Variants in EPB41L3 observed in about 807,000 individuals in gnomAD.
EPB41L3 encodes erythrocyte membrane protein band 4.1 like 3.
EPB41L3 carries 57 observed loss-of-function variants against 127.1 expected under a neutral mutation model. The observed-to-expected ratio is 0.45, with a 90% CI of 0.36 to 0.56. The LOEUF (loss-of-function observed/expected upper bound fraction) is 0.56. Ranked by LOEUF, EPB41L3 falls within the 20% of genes least tolerant of loss-of-function variation. The pLI, the probability that EPB41L3 is intolerant of heterozygous loss-of-function variation, is 0.00. For missense variants in EPB41L3, 1,273 were observed against 1,372.2 expected (o/e 0.93, Z 1.14); for synonymous variants, 572 against 549.5 (o/e 1.04, Z -0.57).
chr18:5,445,211 C>T lies in EPB41L3; in HGVS notation c.415G>A (p.Val139Met), dbSNP rs768025586. 3.7e-6 allele frequency: 6 copies of T among 1,613,924 alleles called. No individual in the cohort carries two copies. In the African/African-American group the frequency reaches 6.7e-5, roughly 18 times the overall value. Residue 139 changes from valine (V) to methionine (M), a missense_variant, in exon 4 of 23, where the codon GTG becomes ATG. Coordinates refer to ENST00000341928, the MANE Select transcript of EPB41L3 (RefSeq NM_012307.5). Reference sequence around the variant, plus strand: ...TCTAGCAAGTTCAAGTGTTCACACACTTTATCAAACAGCACTTGTCCTCTG... The same window carrying T: ...TCTAGCAAGTTCAAGTGTTCACACATTTTATCAAACAGCACTTGTCCTCTG... ...RSRGQVLFDKVCEHLNLLEKD... is the reference protein window; with the variant it reads ...RSRGQVLFDKMCEHLNLLEKD...
chr18:5,488,964 C>T (rs765087876), intron 2 of EPB41L3, 37 bp downstream of exon 2: 3 of 1,550,358 alleles, frequency 1.9e-6, no homozygotes, highest in Admixed American at 2.0e-5. Context: ...AGCAGCTCAG[C>T]AAACACTGCG....
At chr18:5,421,464 G>A (rs948232952) in intron 11 of EPB41L3, among the ~76,000 whole-genome samples, 1 of 152,148 alleles carries the variant, frequency 6.6e-6, no homozygotes, top group Non-Finnish European at 1.5e-5. Context: ...AATTCAGCTC[G>A]AAACAGTCCT....
rs886246947 is a variant in EPB41L3 at position 5,594,919 on chromosome 18, G to T, written c.-306+17421C>A. Among the ~76,000 whole-genome samples the T allele has an allele frequency of 1.3e-5, 2 of 152,268 alleles. 1 individual carries two copies. On this transcript the variant is annotated intron_variant, in intron 3 of 21. Transcript: ENST00000545076. ...AAATAAGGAGAAAATTATCTTTCCC[G>T]CAAGAATTAATAAAAATCTTGTTAA...
At chr18:5,509,695 C>A (rs1357196788) in intron 1 of EPB41L3, among the ~76,000 whole-genome samples, 1 of 152,158 alleles carries the variant, frequency 6.6e-6, no homozygotes, top group African/African-American at 2.4e-5. Flanking sequence ...GTTTTTGCTA[C>A]CATTCTGCTT....
Position 5,471,532 on chromosome 18 carries a change from C to G in EPB41L3, c.381+6709G>C, listed in dbSNP as rs1292067360. On this transcript the variant is annotated intron_variant, in intron 3 of 22. Transcript: ENST00000341928. ...CTAGAAAACTTGGAATATTTTCAGA[C>G]TTGGAAGACTGCTTTCCGCATTAAA... Among the ~76,000 whole-genome samples the G allele has an allele frequency of 2.0e-5, 3 of 152,184 alleles. No homozygotes were observed. The South Asian group carries it at 6.2e-4, about 32-fold the overall frequency.
rs189495620 is a variant in EPB41L3 at position 5,591,173 on chromosome 18, T to C, written c.-306+21167A>G. ...ATTATCTTCTCTCTACTCTTTTCCA[T>C]TCGTAAATATTCATGGAATCTGCAC... On this transcript the variant is annotated intron_variant, in intron 3 of 21. Coordinates refer to the EPB41L3 transcript ENST00000545076. Among the ~76,000 whole-genome samples the C allele has an allele frequency of 7.1e-3, 1,085 of 152,334 alleles. 8 individuals carry two copies. The highest frequency in any genetic ancestry group is 0.02 in the Middle Eastern group (6 of 294).
At chr18:5,567,613 C>CAAGG (rs965923091) in intron 3 of EPB41L3, among the ~76,000 whole-genome samples, 5 of 148,820 alleles carry the variant, frequency 3.4e-5, no homozygotes, top group Non-Finnish European at 5.9e-5. Context: ...AAGAGATAGG[C>CAAGG]AAGGAAGGAA....
chr18:5,435,831 T>G (rs894873834), intron 6 of EPB41L3, among the ~76,000 whole-genome samples: 56 of 152,046 alleles, frequency 3.7e-4, no homozygotes, highest in African/African-American at 1.4e-3. Flanking sequence ...CTCAATTTCC[T>G]GCATTCTTAA....
chr18:5,441,984 T>C (rs557833629), intron 5 of EPB41L3, among the ~76,000 whole-genome samples: 13 of 152,248 alleles, frequency 8.5e-5, no homozygotes, highest in African/African-American at 2.6e-4. Flanking sequence ...TGAATCCTAT[T>C]AATAACAAAA....
At chr18:5,443,581 T>C (rs1053332788) in intron 5 of EPB41L3, among the ~76,000 whole-genome samples, 7 of 152,230 alleles carry the variant, frequency 4.6e-5, no homozygotes, top group Admixed American at 6.5e-5. Flanking sequence ...AAATGGTTAA[T>C]TGCCAATTCT....
intron 1 of EPB41L3, among the ~76,000 whole-genome samples, chr18:5,501,611 C>G (rs1407243238): frequency 6.6e-6 from 1 of 152,156 alleles, no homozygotes; most frequent in East Asian, 1.9e-4. Flanking sequence ...TGTTGCCCCA[C>G]AATTAATTAA....
intron 3 of EPB41L3, among the ~76,000 whole-genome samples, chr18:5,447,930 T>A: frequency 6.6e-6 from 1 of 151,964 alleles, no homozygotes; most frequent in Non-Finnish European, 1.5e-5. Flanking sequence ...CACTGAAGAT[T>A]TTTTTTTTCT....
intron 3 of EPB41L3, among the ~76,000 whole-genome samples, chr18:5,554,790 CTT>C (rs1381655910): frequency 3.9e-5 from 4 of 102,262 alleles, no homozygotes; most frequent in Non-Finnish European, 1.0e-4. Flanking sequence ...GCAGGGCCCT[CTT>C]TGCTCATGTG....
intron 1 of EPB41L3, among the ~76,000 whole-genome samples, chr18:5,517,758 A>C (rs1389351484): frequency 6.6e-6 from 1 of 152,036 alleles, no homozygotes; most frequent in Non-Finnish European, 1.5e-5. Context: ...TTATCCACAG[A>C]GTTCCACTTG....
chr18:5,604,349 T>C (rs1022467453), intron 3 of EPB41L3, among the ~76,000 whole-genome samples: 3 of 152,140 alleles, frequency 2.0e-5, no homozygotes, highest in Admixed American at 6.5e-5. Flanking sequence ...GAAATTTAAA[T>C]ATTTGCCATT....
At chr18:5,427,966 C>T (rs1022469708) in intron 9 of EPB41L3, among the ~76,000 whole-genome samples, 8 of 152,086 alleles carry the variant, frequency 5.3e-5, no homozygotes, top group South Asian at 2.1e-4. Context: ...AGGATGGTCT[C>T]GATCTCCTGA....
chr18:5,545,119 A>G (rs2093854567), upstream of EPB41L3, among the ~76,000 whole-genome samples: 1 of 152,154 alleles, frequency 6.6e-6, no homozygotes, highest in Non-Finnish European at 1.5e-5. Context: ...TAGCTATAAT[A>G]TACTCATTTA....
chr18:5,443,854 T>C lies in EPB41L3; in HGVS notation c.513A>G (p.Ile171Met), dbSNP rs750729750. 2.5e-6 allele frequency: 4 copies of C among 1,610,044 alleles called. No homozygotes were observed. The highest frequency in any genetic ancestry group is 3.4e-6 in the Non-Finnish European group (4 of 1,178,738). Reference protein sequence around the residue: ...QKNWLDPAKEIKKQVRSGAWH... With the variant: ...QKNWLDPAKEMKKQVRSGAWH... The stretch of plus-strand genomic sequence containing the variant: ...AGAACTTACTTCGAACCTGTTTTTT[T>C]ATTTCCTTAGCAGGGTCCAACCAAT... Residue 171 changes from isoleucine to methionine, a missense_variant, in exon 5 of 23, where the codon ATA becomes ATG. By Grantham distance (10) the Ile-to-Met change is conservative (BLOSUM62 1). Transcript: ENST00000341928.
At chr18:5,604,005 CCA>C (rs377084786) in intron 3 of EPB41L3, among the ~76,000 whole-genome samples, 1 of 142,026 alleles carries the variant, frequency 7.0e-6, no homozygotes, top group African/African-American at 2.6e-5. Flanking sequence ...CCAGAAGTGT[CCA>C]CACACACACA....
Sources: gnomAD v4.1 joint callset for allele counts (sites outside exome capture counted in the v4.1 genomes callset) on GRCh38, gnomAD v4.1.1 for gene constraint, MANE v1.5 for transcripts, NCBI Gene and HGNC (gene_info 2026-07-23, HGNC 2026-07-21) for gene names.